Variants in NCK1 observed in about 807,000 individuals in gnomAD.
NCK1 encodes SH2/SH3 adapter protein NCK1.
In NCK1, 19 loss-of-function variants were observed where a neutral mutation model predicts 36.6. The ratio of observed to expected loss-of-function variants is 0.52; its 90% CI spans 0.36 to 0.76. NCK1 has a LOEUF of 0.76. Ranked by LOEUF, NCK1 falls within the 30% of genes least tolerant of loss-of-function variation. The probability of loss-of-function intolerance (pLI) is 0.00; values close to 1 mark genes in which losing one functional copy is unlikely to be tolerated. For synonymous variants in NCK1, 165 were observed against 156.0 expected, an observed-to-expected ratio of 1.06 and a Z score of -0.43; for missense variants, 358 against 445.6, an observed-to-expected ratio of 0.80 and a Z score of 1.77.
At position 136,948,635 on chromosome 3, in the gene NCK1, T is replaced by G. The variant is rs1940892022; in HGVS notation, c.*182T>G. 1 of 439,408 alleles carries G rather than the reference T, an allele frequency of 2.3e-6. No individual in the cohort carries two copies. The highest frequency in any genetic ancestry group is 4.0e-6 in the Non-Finnish European group (1 of 247,938). 27.2% of individuals were successfully genotyped at this position (439,408 alleles called of 1,614,324 possible). On this transcript the variant is annotated 3_prime_UTR_variant, in exon 4 of 4. Coordinates refer to ENST00000481752, the MANE Select transcript of NCK1 (RefSeq NM_001291999.2). ...ATATATACTATGTATGCAGTGCATC[T>G]GCATAGAACAGTTCCTTATCCTTGG... is the stretch of plus-strand genomic sequence containing the variant.
chr3:136,931,602 G>T (rs1940392435), intron 2 of NCK1, among the ~76,000 whole-genome samples: 1 of 152,056 alleles, frequency 6.6e-6, no homozygotes, highest in South Asian at 2.1e-4. Flanking sequence ...TACCTTTGAA[G>T]AACTTACTTA....
chr3:136,892,178 A>C (rs1939264494), intron 1 of NCK1, among the ~76,000 whole-genome samples: 2 of 152,120 alleles, frequency 1.3e-5, no homozygotes, highest in Non-Finnish European at 2.9e-5. Context: ...GTGAGTCACC[A>C]CACCCAGCTG....
At chr3:136,880,128 C>CA (rs1324043641) in intron 1 of NCK1, among the ~76,000 whole-genome samples, 5 of 151,344 alleles carry the variant, frequency 3.3e-5, no homozygotes, top group African/African-American at 1.2e-4. Flanking sequence ...ACTAAAAATA[C>CA]AAAAAAATTA....
chr3:136,871,091 A>G (rs1432540456), intron 1 of NCK1, among the ~76,000 whole-genome samples: 1 of 151,952 alleles, frequency 6.6e-6, no homozygotes, highest in Non-Finnish European at 1.5e-5. Context: ...AAAGCTTACT[A>G]ATTTTTTTTT....
intron 1 of NCK1, among the ~76,000 whole-genome samples, chr3:136,906,768 C>T (rs1209614040): frequency 2.0e-5 from 3 of 151,998 alleles, no homozygotes; most frequent in Non-Finnish European, 4.4e-5. Context: ...GCAGGTGGCA[C>T]GTGTGGTTAG....
intron 2 of NCK1, among the ~76,000 whole-genome samples, chr3:136,929,363 GATA>G (rs1406747291): frequency 6.6e-6 from 1 of 152,184 alleles, no homozygotes; most frequent in East Asian, 1.9e-4. Flanking sequence ...TTTGGAGTAA[GATA>G]TAAAGTAGTG....
At chr3:136,883,748 T>C (rs1259839241) in intron 1 of NCK1, among the ~76,000 whole-genome samples, 1 of 152,182 alleles carries the variant, frequency 6.6e-6, no homozygotes, top group Non-Finnish European at 1.5e-5. Flanking sequence ...CCAAGGGCTC[T>C]TATGATAATT....
chr3:136,933,568 C>T (rs1203043006), intron 2 of NCK1, among the ~76,000 whole-genome samples: 1 of 146,702 alleles, frequency 6.8e-6, no homozygotes, highest in Non-Finnish European at 1.5e-5. Context: ...TATCTTTACA[C>T]TTTTTTTTTT....
chr3:136,945,153 ATTTTAT>A (rs1054874659), intron 2 of NCK1, among the ~76,000 whole-genome samples: 1 of 152,218 alleles, frequency 6.6e-6, no homozygotes, highest in Non-Finnish European at 1.5e-5. Flanking sequence ...GATAGAAATA[ATTTTAT>A]TTTTATACAG....
At chr3:136,925,337 A>C (rs978169893) in intron 1 of NCK1, among the ~76,000 whole-genome samples, 1 of 152,074 alleles carries the variant, frequency 6.6e-6, no homozygotes, top group African/African-American at 2.4e-5. Context: ...ATTTTAATTA[A>C]ACTTTTTATT....
chr3:136,906,432 C>T (rs916327177), intron 1 of NCK1, among the ~76,000 whole-genome samples: 3 of 152,078 alleles, frequency 2.0e-5, no homozygotes, highest in Admixed American at 6.6e-5. Flanking sequence ...TTGCTGAGGT[C>T]TGGGTTGCCA....
intron 2 of NCK1, among the ~76,000 whole-genome samples, chr3:136,930,149 G>T (rs1940354190): frequency 6.6e-6 from 1 of 151,932 alleles, no homozygotes; most frequent in Non-Finnish European, 1.5e-5. Flanking sequence ...TCCCTTTTTG[G>T]TAACTTAAAT....
At position 136,910,803 on chromosome 3, in the gene NCK1, CTTAG is replaced by C. The variant is rs1313751902; in HGVS notation, c.-18-17177_-18-17174del. Among the ~76,000 whole-genome samples, 5 of 152,258 alleles carry C rather than the reference CTTAG, an allele frequency of 3.3e-5. No individual in the cohort carries two copies. In the East Asian group the frequency reaches 7.7e-4, roughly 23 times the overall value. On this transcript the variant is annotated intron_variant, in intron 1 of 3. Coordinates refer to ENST00000481752, the MANE Select transcript of NCK1 (RefSeq NM_001291999.2). ...CATAACGAGACATTTAAAATGTACTCTTAGTTATTTTGAAATATATAATACATTA... is the reference window on the plus strand; with the variant it reads ...CATAACGAGACATTTAAAATGTACTCTTATTTTGAAATATATAATACATTA...
chr3:136,894,780 G>C (rs1428928836), intron 1 of NCK1, among the ~76,000 whole-genome samples: 1 of 152,198 alleles, frequency 6.6e-6, no homozygotes, highest in East Asian at 1.9e-4. Flanking sequence ...GTTGTTTCCT[G>C]CATTCTGCTG....
intron 2 of NCK1, among the ~76,000 whole-genome samples, chr3:136,933,835 G>A (rs1420819737): frequency 6.6e-6 from 1 of 152,056 alleles, no homozygotes; most frequent in African/African-American, 2.4e-5. Flanking sequence ...CTCCCAAGCA[G>A]CTGGGACTAC....
At chr3:136,922,058 C>T (rs906011460) in intron 1 of NCK1, among the ~76,000 whole-genome samples, 6 of 152,188 alleles carry the variant, frequency 3.9e-5, no homozygotes, top group African/African-American at 1.2e-4. Context: ...GCTGGGATTA[C>T]AGGCGTGAGC....
At position 136,867,168 on chromosome 3, in the gene NCK1, CCTTCCTTCCTTCTTTCTTTCT is replaced by C. The variant is rs1482529117; in HGVS notation, c.-19+4816_-19+4836del. 1.9e-4 allele frequency among the ~76,000 whole-genome samples: 10 copies of C among 53,432 alleles called. 1 individual carries two copies. Among genetic ancestry groups the C allele is most frequent in the African/African-American group, 7.0e-4 (10 of 14,350 alleles). 35.1% of individuals were successfully genotyped at this position (53,432 alleles called of 152,430 possible). ...TCCTTCCTTCCTTCCTTCCTTCCTT[CCTTCCTTCCTTCTTTCTTTCT>C]TTTCTTTCTTTTCCCTTCCTTCCTT... On this transcript the variant is annotated intron_variant, in intron 1 of 3. Coordinates refer to ENST00000481752, the MANE Select transcript of NCK1 (RefSeq NM_001291999.2).
chr3:136,889,158 C>G (rs1218692810), intron 1 of NCK1: 2 of 140,634 alleles, frequency 1.4e-5, no homozygotes, highest in Admixed American at 8.3e-5. Context: ...TCCCAAAGAG[C>G]TAGGATTACA....
chr3:136,884,601 C>T lies in NCK1; in HGVS notation c.-19+22248C>T, dbSNP rs192254525. On this transcript the variant is annotated intron_variant, in intron 1 of 3. Transcript: ENST00000481752. ...GATTAGAGGCGTGTGGCACTATGCC[C>T]GGCTAATTTCTGTATTTTTAGTAGA... Among the ~76,000 whole-genome samples, 617 of 152,000 alleles carry T rather than the reference C, an allele frequency of 4.1e-3. 4 individuals are homozygous for T. The highest frequency in any genetic ancestry group is 0.014 in the African/African-American group (578 of 41,474).
Sources: allele counts gnomAD v4.1 joint callset (sites outside exome capture counted in the v4.1 genomes callset), GRCh38; gene constraint gnomAD v4.1.1; transcripts MANE v1.5; gene names NCBI Gene and HGNC (gene_info 2026-07-23, HGNC 2026-07-21).